GLB1L3: variants seen among roughly 807,000 people sequenced by gnomAD.
GLB1L3 encodes galactosidase beta 1 like 3, also known as beta-galactosidase-1-like protein 3.
In GLB1L3, 89 loss-of-function variants were observed where a neutral mutation model predicts 89.5. The ratio of observed to expected loss-of-function variants is 0.99; its 90% CI spans 0.84 to 1.19. GLB1L3 has a LOEUF of 1.19. GLB1L3 is among the 50% of genes most tolerant of loss of function. The pLI is 0.00. For missense variants in GLB1L3, 812 were observed against 813.3 expected (o/e 1.00, Z 0.02); for synonymous variants, 314 against 312.3 (o/e 1.01, Z -0.06).
intron 7 of GLB1L3, among the ~76,000 whole-genome samples, chr11:134,290,062 T>C (rs531960040): frequency 6.6e-6 from 1 of 152,340 alleles, no homozygotes; most frequent in Admixed American, 6.5e-5. Flanking sequence ...ATCCACGTGC[T>C]GGCTCCCGCG....
At chr11:134,305,463 G>C (rs1258957824) in intron 9 of GLB1L3, among the ~76,000 whole-genome samples, 3 of 152,168 alleles carry the variant, frequency 2.0e-5, no homozygotes, top group Non-Finnish European at 2.9e-5. Context: ...TGAAGTTTCA[G>C]ATGACTCTTA....
In GLB1L3 at chr11:134,288,835, A is replaced by G. The variant is rs753228207; in HGVS notation, c.674A>G (p.Glu225Gly). ...GGCCCTGTCATCGCGGTGCAAGTGGAGAATGAGTATGGCTCATTCAATAAG... is the reference window on the plus strand; with the variant it reads ...GGCCCTGTCATCGCGGTGCAAGTGGGGAATGAGTATGGCTCATTCAATAAG... ...QAGPVIAVQV[E>G]NEYGSFNKDK... The change falls in exon 7 of 20, where the codon GAG (glutamate) becomes GGG (glycine). Residue 225 changes from glutamate to glycine, a missense_variant. Glu to Gly is a moderately conservative substitution (Grantham distance 98). Coordinates refer to ENST00000431683, the MANE Select transcript of GLB1L3 (RefSeq NM_001080407.3). 20 of 1,613,460 alleles carry G rather than the reference A, an allele frequency of 1.2e-5. No individual in the cohort carries two copies. In the East Asian group the frequency reaches 4.0e-4, roughly 32 times the overall value.
intron 9 of GLB1L3, among the ~76,000 whole-genome samples, chr11:134,294,541 C>T (rs1258024923): frequency 6.6e-6 from 1 of 152,154 alleles, no homozygotes; most frequent in Non-Finnish European, 1.5e-5. Flanking sequence ...CATTTGTACA[C>T]CATTAAATTC....
downstream of GLB1L3, among the ~76,000 whole-genome samples, chr11:134,320,539 T>C (rs1943152488): frequency 6.6e-6 from 1 of 152,182 alleles, no homozygotes; most frequent in Non-Finnish European, 1.5e-5. Context: ...AAACCAAGGT[T>C]CAAAGAGGTA....
intron 10 of GLB1L3, among the ~76,000 whole-genome samples, chr11:134,308,188 CATCACCATCACCACT>C (rs1942309828): frequency 8.6e-6 from 1 of 116,696 alleles, no homozygotes; most frequent in Admixed American, 7.9e-5. Context: ...CCATCACCAT[CATCACCATCACCACT>C]ACCACCACCA....
rs759812170 is a variant in GLB1L3 at position 134,277,832 on chromosome 11, C to T, written c.282C>T (p.Ile94=). The T allele has an allele frequency of 4.3e-6, 7 of 1,614,030 alleles. No homozygotes were observed. In the Admixed American group the frequency reaches 1.2e-4, roughly 27 times the overall value. The part of the protein sequence containing the change: ...GHKFLIFGGS[I]HYFRVPREYW... The stretch of plus-strand genomic sequence containing the variant: ...AGTTCCTGATCTTCGGGGGCTCCAT[C>T]CACTATTTCCGGGTGCCCAGGGAGT... The change falls in exon 3 of 20, where the codon ATC becomes ATT. Residue 94 remains isoleucine, a synonymous_variant. Transcript: ENST00000431683.
chr11:134,284,042 C>G (rs1940851863), intron 6 of GLB1L3, among the ~76,000 whole-genome samples, 197 bp downstream of exon 6: 1 of 152,116 alleles, frequency 6.6e-6, no homozygotes, highest in Admixed American at 6.6e-5. Context: ...GTAAGCTTCC[C>G]CAGGGTTGCT....
Position 134,288,795 on chromosome 11 carries a change from C to T in GLB1L3, c.637-3C>T. The T allele has an allele frequency of 6.2e-7, 1 of 1,610,664 alleles. No individual in the cohort carries two copies. Among genetic ancestry groups the T allele is most frequent in the Middle Eastern group, 1.7e-4 (1 of 6,030 alleles). Reference sequence around the variant, plus strand: ...CTTTAACCCTCCTATGCTTGTTTCTCAGTACCGCCAGGCAGGCCCTGTCAT... The same window carrying T: ...CTTTAACCCTCCTATGCTTGTTTCTTAGTACCGCCAGGCAGGCCCTGTCAT... On this transcript the variant is annotated splice_region_variant and splice_polypyrimidine_tract_variant and intron_variant, in intron 6 of 19. Coordinates refer to ENST00000431683, the MANE Select transcript of GLB1L3 (RefSeq NM_001080407.3).
At chr11:134,312,779 T>C in intron 14 of GLB1L3, 37 bp from the exon 15 acceptor site, 1 of 1,549,342 alleles carries the variant, frequency 6.5e-7, no homozygotes, top group Non-Finnish European at 8.9e-7. Flanking sequence ...TTTCTTCGGG[T>C]GGGCCTAGCA....
chr11:134,299,336 G>T (rs1308766315), intron 9 of GLB1L3, among the ~76,000 whole-genome samples: 2 of 151,988 alleles, frequency 1.3e-5, no homozygotes, highest in Non-Finnish European at 2.9e-5. Context: ...TTCCAAGTGT[G>T]TTCTTTTCTT....
intron 9 of GLB1L3, among the ~76,000 whole-genome samples, chr11:134,301,336 G>C (rs1941940557): frequency 6.6e-6 from 1 of 152,172 alleles, no homozygotes; most frequent in African/African-American, 2.4e-5. Flanking sequence ...GTACTCAGAA[G>C]TCTGTTTCCT....
intron 18 of GLB1L3, 58 bp downstream of exon 18, chr11:134,314,499 T>G (rs765687822): frequency 8.9e-7 from 1 of 1,119,764 alleles, no homozygotes; most frequent in Non-Finnish European, 1.3e-6. Context: ...TTTTAAAGAG[T>G]CCTGAAGCAA....
downstream of GLB1L3, among the ~76,000 whole-genome samples, chr11:134,324,412 A>G (rs553122815): frequency 6.6e-6 from 1 of 152,322 alleles, no homozygotes; most frequent in East Asian, 1.9e-4. Context: ...CAGCCAAAAA[A>G]CTACTAAAAA....
intron 11 of GLB1L3, 49 bp from the exon 12 acceptor site, chr11:134,310,522 G>A (rs375662007): frequency 5.5e-6 from 8 of 1,443,666 alleles, no homozygotes; most frequent in Non-Finnish European, 7.7e-6. Flanking sequence ...CTGAAACAGG[G>A]CCTCCTGCAG....
Position 134,292,492 on chromosome 11 carries a change from T to C in GLB1L3, c.811+279T>C, listed in dbSNP as rs984112960. ...ACGCCTTTCCATCTCCCATAGTTTTTCTGTGGCAAGAAATCTGCATTGGTG... is the reference window on the plus strand; with the variant it reads ...ACGCCTTTCCATCTCCCATAGTTTTCCTGTGGCAAGAAATCTGCATTGGTG... On this transcript the variant is annotated intron_variant, in intron 8 of 19. Coordinates refer to ENST00000431683, the MANE Select transcript of GLB1L3 (RefSeq NM_001080407.3). 79 of 292,172 alleles carry C rather than the reference T, an allele frequency of 2.7e-4. No individual in the cohort carries two copies. In the East Asian group the frequency reaches 4.8e-3, roughly 18 times the overall value. The allele number at this position is 292,172 out of a possible 1,614,324, so 18.1% of individuals were successfully genotyped here.
intron 6 of GLB1L3, chr11:134,286,991 T>G (rs555613549): frequency 6.7e-6 from 1 of 150,304 alleles, no homozygotes; most frequent in Non-Finnish European, 1.5e-5. Flanking sequence ...AAACCCCGTC[T>G]CTACTAAAAA....
chr11:134,297,876 A>AAAAAAG (rs1555077361), intron 9 of GLB1L3, among the ~76,000 whole-genome samples: 103 of 110,842 alleles, frequency 9.3e-4, no homozygotes, highest in Non-Finnish European at 1.3e-3. Flanking sequence ...AAAAAAAAAA[A>AAAAAAG]AAAGAAAGAA....
intron 10 of GLB1L3, among the ~76,000 whole-genome samples, 183 bp downstream of exon 10, chr11:134,307,391 A>AC (rs1399374215): frequency 1.3e-5 from 2 of 152,114 alleles, no homozygotes; most frequent in African/African-American, 4.8e-5. Flanking sequence ...CATGGTTCCC[A>AC]CCCCCAACAG....
At chr11:134,314,283 G>A (rs1565421567) in intron 17 of GLB1L3, 47 bp from the exon 18 acceptor site, 4 of 1,362,560 alleles carry the variant, frequency 2.9e-6, no homozygotes, top group Admixed American at 2.3e-5. Flanking sequence ...TGGGAACTGG[G>A]TTGGGAAGGG....
Sources: gnomAD v4.1 joint callset for allele counts (sites outside exome capture counted in the v4.1 genomes callset) on GRCh38, gnomAD v4.1.1 for gene constraint, MANE v1.5 for transcripts, NCBI Gene and HGNC (gene_info 2026-07-23, HGNC 2026-07-21) for gene names.